BAIAP2: variants seen among roughly 807,000 people sequenced by gnomAD.
The protein encoded by BAIAP2 is BAR/IMD domain containing adaptor protein 2.
Under a neutral mutation model 63.0 loss-of-function variants are expected in BAIAP2, and 18 were observed. The observed-to-expected ratio is 0.29, with a 90% CI of 0.20 to 0.42. BAIAP2 has a LOEUF of 0.42. Among genes scored for constraint, BAIAP2 ranks in the 10% least tolerant of loss-of-function variants. BAIAP2 has a pLI of 1.00. For missense variants in BAIAP2, 610 were observed against 734.3 expected (o/e 0.83, Z 1.96); for synonymous variants, 386 against 307.6 (o/e 1.25, Z -2.67).
chr17:81,106,282 C>A, intron 11 of BAIAP2, 136 bp downstream of exon 11: 2 of 958,594 alleles, frequency 2.1e-6, no homozygotes, highest in Non-Finnish European at 1.6e-6. Context: ...TCCCCAGTGG[C>A]CCTGAGAGCT....
At chr17:81,094,431 G>A (rs1002336695) in intron 6 of BAIAP2, among the ~76,000 whole-genome samples, 1 of 152,144 alleles carries the variant, frequency 6.6e-6, no homozygotes, top group Admixed American at 6.5e-5. Context: ...GGGACCGTCA[G>A]GGCTCATGGA....
At chr17:81,089,598 G>A (rs1018616230) in intron 6 of BAIAP2, among the ~76,000 whole-genome samples, 19 of 67,132 alleles carry the variant, frequency 2.8e-4, no homozygotes, top group Non-Finnish European at 5.2e-4. Flanking sequence ...TGCCACAGTC[G>A]TCACAAAGCC....
intron 2 of BAIAP2, among the ~76,000 whole-genome samples, chr17:81,055,703 C>T (rs906243908): frequency 6.6e-6 from 1 of 151,668 alleles, no homozygotes; most frequent in African/African-American, 2.4e-5. Context: ...GTAGCTGGGA[C>T]CACAGGTGCC....
intron 13 of BAIAP2, chr17:81,110,130 GC>G: frequency 1.0e-6 from 1 of 985,620 alleles, no homozygotes; most frequent in Non-Finnish European, 1.2e-6. Context: ...GCTGGTGGGA[GC>G]CCCTGGGAAG....
chr17:81,057,727 C>T (rs1165305446), intron 2 of BAIAP2, 154 bp from the exon 3 acceptor site: 19 of 1,409,658 alleles, frequency 1.3e-5, no homozygotes, highest in African/African-American at 2.9e-5. Flanking sequence ...TGGGTTCTGT[C>T]CAACCCAGAA....
chr17:81,058,132 A>G (rs1285387629), intron 3 of BAIAP2, among the ~76,000 whole-genome samples, 165 bp downstream of exon 3: 1 of 152,122 alleles, frequency 6.6e-6, no homozygotes, highest in Admixed American at 6.5e-5. Context: ...TGTGGGGCAC[A>G]CCCTGCTGAA....
In BAIAP2 at chr17:81,046,543, T is replaced by C. The variant is rs2047833113; in HGVS notation, c.55-7125T>C. On this transcript the variant is annotated intron_variant, in intron 1 of 13. Transcript: ENST00000428708. The surrounding 1 kb of genome is among the most constrained non-coding windows in gnomAD (Gnocchi z 4.5). The stretch of plus-strand genomic sequence containing the variant: ...AGGCTCTGGAGCTCATCGGTGCTCC[T>C]GTGTGTGGGGTCAGCAGTGGCCCGC... Among the ~76,000 whole-genome samples the C allele has an allele frequency of 6.6e-6, 1 of 152,128 alleles. No homozygotes were observed. Among genetic ancestry groups the C allele is most frequent in the African/African-American group, 2.4e-5 (1 of 41,416 alleles).
In BAIAP2 at chr17:81,035,233, G is replaced by A. The variant is rs369211556; in HGVS notation, c.-22G>A. ...GCTTGCGTCCCCCGCTCCGGTCTGT[G>A]GTGCAGCCGGGACCCAGGACCATGT... On this transcript the variant is annotated 5_prime_UTR_variant, in exon 1 of 14. Transcript: ENST00000428708. 120 of 1,492,232 alleles carry A rather than the reference G, an allele frequency of 8.0e-5. 1 individual carries two copies. The African/African-American group carries it at 1.5e-3, about 18-fold the overall frequency. 92.4% of individuals were successfully genotyped at this position (1,492,232 alleles called of 1,614,324 possible).
chr17:81,074,625 G>GTC (rs2053329381), intron 3 of BAIAP2, among the ~76,000 whole-genome samples: 3 of 149,484 alleles, frequency 2.0e-5, no homozygotes, highest in African/African-American at 7.6e-5. Flanking sequence ...GAGTGCCTGT[G>GTC]TGCGTGCACG....
At chr17:81,098,165 T>G in intron 6 of BAIAP2, 1 of 1,468,546 alleles carries the variant, frequency 6.8e-7, no homozygotes, top group Non-Finnish European at 9.0e-7. Flanking sequence ...GGTTTGGAAC[T>G]GTCACTTCCA....
intron 13 of BAIAP2, among the ~76,000 whole-genome samples, chr17:81,112,351 C>T (rs1490170297): frequency 2.0e-5 from 3 of 152,388 alleles, no homozygotes; most frequent in South Asian, 4.1e-4. Context: ...CTCCACAGTG[C>T]CAGGGGCCAG....
At chr17:81,064,344 T>A (rs1193063795) in intron 3 of BAIAP2, among the ~76,000 whole-genome samples, 1 of 151,976 alleles carries the variant, frequency 6.6e-6, no homozygotes, top group African/African-American at 2.4e-5. Context: ...TTCAGCCCCG[T>A]CAGGATGACG....
chr17:81,085,409 T>G, intron 4 of BAIAP2: 1 of 656,630 alleles, frequency 1.5e-6, no homozygotes, highest in Non-Finnish European at 2.8e-6. Context: ...GCCGTTTGTT[T>G]CCCTTGTGGC....
intron 3 of BAIAP2, among the ~76,000 whole-genome samples, chr17:81,078,200 G>C (rs1399588268): frequency 7.7e-6 from 1 of 129,770 alleles, no homozygotes; most frequent in Non-Finnish European, 1.7e-5. Context: ...GCCGGATGCT[G>C]TGGGTGCAGG....
rs186924769 is a variant in BAIAP2 at position 81,109,725 on chromosome 17, C to T, written c.1535+1216C>T. The T allele has an allele frequency of 2.8e-3, 2,772 of 985,442 alleles. 20 individuals carry two copies. The South Asian group carries it at 0.034, about 12-fold the overall frequency. The allele number at this position is 985,442 out of a possible 1,614,324, so 61.0% of individuals were successfully genotyped here. On this transcript the variant is annotated intron_variant, in intron 13 of 13. Transcript: ENST00000428708. ...AGCGCGGCACAGTGGCCTCACCTCC[C>T]GTCGGGCACTGGCGGGAGCAAGGTC... is the stretch of plus-strand genomic sequence containing the variant.
chr17:81,049,343 G>A (rs563290358), intron 1 of BAIAP2, among the ~76,000 whole-genome samples: 10 of 152,332 alleles, frequency 6.6e-5, no homozygotes, highest in South Asian at 2.1e-4. Context: ...GTCCCTGAGC[G>A]CCCTCAGTGT....
chr17:81,057,810 G>C, intron 2 of BAIAP2, 71 bp from the exon 3 acceptor site: 2 of 1,551,966 alleles, frequency 1.3e-6, no homozygotes, highest in Non-Finnish European at 1.7e-6. Context: ...TGCCAAGACT[G>C]CCGTGTTTTT....
chr17:81,106,214 CCCTGGGCTT>C, intron 11 of BAIAP2, 68 bp downstream of exon 11: 1 of 1,487,924 alleles, frequency 6.7e-7, no homozygotes, highest in East Asian at 2.5e-5. Context: ...GACACCAGGT[CCCTGGGCTT>C]GGATTGCTCG....
At chr17:81,112,555 C>T (rs957132285) in intron 13 of BAIAP2, among the ~76,000 whole-genome samples, 2 of 152,236 alleles carry the variant, frequency 1.3e-5, no homozygotes, top group African/African-American at 2.4e-5. Context: ...TACTCGTCAG[C>T]GGAGGCCCAA....
Sources: gnomAD v4.1 joint callset for allele counts (sites outside exome capture counted in the v4.1 genomes callset) on GRCh38, gnomAD v4.1.1 for gene constraint, Gnocchi (gnomAD v3.1) non-coding constraint, MANE v1.5 for transcripts, NCBI Gene and HGNC (gene_info 2026-07-23, HGNC 2026-07-21) for gene names.